SLC24A3: variants seen among roughly 807,000 people sequenced by gnomAD.
SLC24A3 encodes the protein solute carrier family 24 member 3, also known as sodium/potassium/calcium exchanger 3.
SLC24A3 carries 28 observed loss-of-function variants against 75.8 expected under a neutral mutation model. That is an observed-to-expected ratio of 0.37 (90% CI 0.27 to 0.51). The LOEUF (loss-of-function observed/expected upper bound fraction) is 0.51, where lower values mean the gene tolerates loss of function less well. Among genes scored for constraint, SLC24A3 ranks in the 20% least tolerant of loss-of-function variants. SLC24A3 has a pLI of 0.94. For synonymous variants in SLC24A3, 372 were observed against 334.1 expected, an observed-to-expected ratio of 1.11 and a Z score of -1.24; for missense variants, 663 against 847.8, an observed-to-expected ratio of 0.78 and a Z score of 2.71.
At chr20:19,334,830 G>C (rs1164456763) in intron 2 of SLC24A3, among the ~76,000 whole-genome samples, 2 of 152,164 alleles carry the variant, frequency 1.3e-5, no homozygotes, top group Non-Finnish European at 2.9e-5. Flanking sequence ...CTGCTTCTAG[G>C]GGTGTTTGTT....
chr20:19,661,984 C>T (rs1008057615), intron 7 of SLC24A3, among the ~76,000 whole-genome samples: 6 of 152,214 alleles, frequency 3.9e-5, no homozygotes, highest in African/African-American at 1.4e-4. Flanking sequence ...GGTACCCAGC[C>T]GTTTCTCTGA....
Position 19,656,824 on chromosome 20 carries a change from G to A in SLC24A3, c.687+2688G>A, listed in dbSNP as rs369342542. Among the ~76,000 whole-genome samples the A allele has an allele frequency of 1.8e-4, 27 of 152,268 alleles. No homozygotes were observed. The South Asian group carries it at 5.0e-3, about 28-fold the overall frequency. On this transcript the variant is annotated intron_variant, in intron 7 of 16. Transcript: ENST00000328041. Reference sequence around the variant, plus strand: ...GTGTTGGCTTCTTTCCCTGTTTTCCGCATAGACACTAACTGGACTATGTGT... The same window carrying A: ...GTGTTGGCTTCTTTCCCTGTTTTCCACATAGACACTAACTGGACTATGTGT...
At position 19,321,574 on chromosome 20, in the gene SLC24A3, G is replaced by T. The variant is rs943641344; in HGVS notation, c.271+40487G>T. Among the ~76,000 whole-genome samples the T allele has an allele frequency of 4.6e-5, 7 of 152,304 alleles. 1 individual carries two copies. In the South Asian group the frequency reaches 6.2e-4, roughly 14 times the overall value. ...TATCTCTAGACTGTTAGATCATCCA[G>T]AAATCAATACAAATCATCTTAAGAT... On this transcript the variant is annotated intron_variant, in intron 2 of 16. Coordinates refer to ENST00000328041, the MANE Select transcript of SLC24A3 (RefSeq NM_020689.4).
At chr20:19,221,734 AC>A (rs1186954571) in intron 1 of SLC24A3, among the ~76,000 whole-genome samples, 1 of 151,162 alleles carries the variant, frequency 6.6e-6, no homozygotes, top group Non-Finnish European at 1.5e-5. Flanking sequence ...GCCTGTATCC[AC>A]CCCCCGCCTC....
chr20:19,460,858 A>C (rs1046260985), intron 2 of SLC24A3, among the ~76,000 whole-genome samples: 1 of 152,222 alleles, frequency 6.6e-6, no homozygotes, highest in South Asian at 2.1e-4. Context: ...AATAGAAAAG[A>C]GCTGTTAGCC....
In SLC24A3 at chr20:19,537,468, GC is replaced by G. The variant is rs528741560; in HGVS notation, c.348+21905del. Among the ~76,000 whole-genome samples the G allele has an allele frequency of 5.4e-4, 83 of 152,310 alleles. 1 individual carries two copies. In the East Asian group the frequency reaches 0.01, roughly 19 times the overall value. On this transcript the variant is annotated intron_variant, in intron 3 of 16. Coordinates refer to ENST00000328041, the MANE Select transcript of SLC24A3 (RefSeq NM_020689.4). Reference sequence around the variant, plus strand: ...TTCAACCATTGTGGAAGTCAGTGTGGCGATTCCTCAGGGATCTAGAACTAGA... The same window carrying G: ...TTCAACCATTGTGGAAGTCAGTGTGGGATTCCTCAGGGATCTAGAACTAGA...
chr20:19,444,111 A>G (rs998918405), intron 2 of SLC24A3, among the ~76,000 whole-genome samples: 1 of 152,102 alleles, frequency 6.6e-6, no homozygotes, highest in Non-Finnish European at 1.5e-5. Flanking sequence ...TTTCTTCTTT[A>G]CCCTATGGAT....
chr20:19,404,582 C>T (rs768736426), intron 2 of SLC24A3, among the ~76,000 whole-genome samples: 62 of 152,312 alleles, frequency 4.1e-4, no homozygotes, highest in Non-Finnish European at 6.3e-4. Flanking sequence ...TTTGTTCAGA[C>T]GCACCTAGCT....
At chr20:19,323,198 T>A (rs1207083228) in intron 2 of SLC24A3, among the ~76,000 whole-genome samples, 5 of 108,522 alleles carry the variant, frequency 4.6e-5, no homozygotes, top group Non-Finnish European at 6.8e-5. Context: ...AGAGCGAGAC[T>A]CCGTCTCAAA....
chr20:19,275,058 G>A (rs1270852069), intron 1 of SLC24A3, among the ~76,000 whole-genome samples: 1 of 152,206 alleles, frequency 6.6e-6, no homozygotes, highest in Non-Finnish European at 1.5e-5. Context: ...GGAGGCTGTT[G>A]CCATGGCCCT....
At chr20:19,247,032 A>C (rs891670922) in intron 1 of SLC24A3, among the ~76,000 whole-genome samples, 17 of 152,236 alleles carry the variant, frequency 1.1e-4, no homozygotes, top group African/African-American at 3.9e-4. Context: ...ATAAGTCATA[A>C]AAGGAAAGTA....
chr20:19,644,385 T>C (rs543459357), intron 6 of SLC24A3, among the ~76,000 whole-genome samples: 3 of 152,316 alleles, frequency 2.0e-5, no homozygotes, highest in African/African-American at 7.2e-5. Flanking sequence ...ATACAGGTTC[T>C]GATGCAGCAG....
intron 1 of SLC24A3, among the ~76,000 whole-genome samples, chr20:19,252,548 G>C (rs1982689572): frequency 6.6e-6 from 1 of 151,318 alleles, no homozygotes; most frequent in East Asian, 2.0e-4. Context: ...CTGACAGAGG[G>C]GTTGTTTCAT....
chr20:19,607,499 C>G (rs992093562), intron 6 of SLC24A3, among the ~76,000 whole-genome samples: 9 of 152,186 alleles, frequency 5.9e-5, no homozygotes, highest in African/African-American at 2.2e-4. Context: ...GGGGTCTAAG[C>G]TATGAACTAA....
intron 7 of SLC24A3, among the ~76,000 whole-genome samples, chr20:19,658,267 A>G (rs1261661551): frequency 6.8e-6 from 1 of 148,096 alleles, no homozygotes; most frequent in Non-Finnish European, 1.5e-5. Flanking sequence ...GGTTCAGAGG[A>G]GGGTCAGGAA....
chr20:19,683,423 C>T (rs143855718), intron 10 of SLC24A3, among the ~76,000 whole-genome samples: 19 of 152,286 alleles, frequency 1.2e-4, no homozygotes, highest in East Asian at 1.2e-3. Flanking sequence ...CTGGACCCTT[C>T]GTGCAACATT....
At chr20:19,352,044 C>T (rs139463104) in intron 2 of SLC24A3, among the ~76,000 whole-genome samples, 1 of 149,028 alleles carries the variant, frequency 6.7e-6, no homozygotes, top group Admixed American at 6.8e-5. Context: ...GGGAGAGAAG[C>T]AGGACAGGGC....
intron 12 of SLC24A3, among the ~76,000 whole-genome samples, chr20:19,690,746 C>T (rs1422383094): frequency 6.6e-6 from 1 of 151,924 alleles, no homozygotes; most frequent in Non-Finnish European, 1.5e-5. Flanking sequence ...CAACTCTCAG[C>T]CAGGCTTCTT....
intron 1 of SLC24A3, among the ~76,000 whole-genome samples, chr20:19,262,989 C>T (rs1025154458): frequency 6.6e-6 from 1 of 151,244 alleles, no homozygotes; most frequent in African/African-American, 2.4e-5. Flanking sequence ...ACAGACACGC[C>T]CCTTTGTTCC....
Sources: gnomAD v4.1 joint callset for allele counts (sites outside exome capture counted in the v4.1 genomes callset) on GRCh38, gnomAD v4.1.1 for gene constraint, MANE v1.5 for transcripts, NCBI Gene and HGNC (gene_info 2026-07-23, HGNC 2026-07-21) for gene names.